PDE4D: variants seen among roughly 807,000 people sequenced by gnomAD.
PDE4D encodes phosphodiesterase 4D, also known as 3',5'-cyclic-AMP phosphodiesterase 4D.
Under a neutral mutation model 87.4 loss-of-function variants are expected in PDE4D, and 24 were observed. The observed-to-expected ratio is 0.27, with a 90% CI of 0.20 to 0.39. PDE4D has a LOEUF of 0.39. PDE4D is among the 10% of genes least tolerant of loss of function. PDE4D has a pLI of 1.00. For synonymous variants in PDE4D, 384 were observed against 383.2 expected, an observed-to-expected ratio of 1.00 and a Z score of -0.02; for missense variants, 714 against 1,041.0, an observed-to-expected ratio of 0.69 and a Z score of 4.32.
chr5:60,048,181 T>C (rs1156435921), intron 2 of PDE4D, among the ~76,000 whole-genome samples: 1 of 152,004 alleles, frequency 6.6e-6, no homozygotes, highest in African/African-American at 2.4e-5. Context: ...GAGACTAGGA[T>C]TGCAACCCCT....
intron 1 of PDE4D, among the ~76,000 whole-genome samples, chr5:60,320,974 G>T (rs1299203500): frequency 1.3e-5 from 2 of 152,094 alleles, no homozygotes; most frequent in African/African-American, 4.8e-5. Flanking sequence ...CGGTCATATT[G>T]CCCAAAGCAA....
intron 1 of PDE4D, among the ~76,000 whole-genome samples, chr5:59,406,414 A>T (rs1791679755): frequency 1.4e-5 from 1 of 71,394 alleles, no homozygotes; most frequent in Non-Finnish European, 2.7e-5. Flanking sequence ...CCCCCCCCAT[A>T]GAGTCTTGCT....
chr5:59,740,852 G>A lies in PDE4D; in HGVS notation c.455+152316C>T, dbSNP rs80247457. On this transcript the variant is annotated intron_variant, in intron 1 of 14. Transcript: ENST00000340635. ...CACTCAGCTAACTAGTAGCATAGGAGGAACAACAATAAAGGTCTAGATTTA... is the reference window on the plus strand; with the variant it reads ...CACTCAGCTAACTAGTAGCATAGGAAGAACAACAATAAAGGTCTAGATTTA... 4.0e-3 allele frequency among the ~76,000 whole-genome samples: 614 copies of A among 152,184 alleles called. 6 individuals are homozygous for A. The highest frequency in any genetic ancestry group is 0.014 in the African/African-American group (582 of 41,532).
chr5:59,118,380 T>C (rs966829346), intron 5 of PDE4D, among the ~76,000 whole-genome samples: 2 of 152,214 alleles, frequency 1.3e-5, no homozygotes, highest in African/African-American at 4.8e-5. Context: ...ATAAGCTGCT[T>C]AAGTGTTATT....
chr5:59,640,227 C>T (rs955337915), intron 1 of PDE4D, among the ~76,000 whole-genome samples: 1 of 152,082 alleles, frequency 6.6e-6, no homozygotes, highest in Admixed American at 6.6e-5. Context: ...ATTTACAGAT[C>T]TAAGGAAACT....
chr5:59,499,126 C>A (rs1189240244), intron 1 of PDE4D, among the ~76,000 whole-genome samples: 1 of 151,768 alleles, frequency 6.6e-6, no homozygotes, highest in African/African-American at 2.4e-5. Context: ...ATTCTTAAAA[C>A]CACACAAATA....
intron 2 of PDE4D, among the ~76,000 whole-genome samples, chr5:59,996,931 G>A (rs1763573835): frequency 1.3e-5 from 2 of 152,100 alleles, no homozygotes; most frequent in African/African-American, 2.4e-5. Flanking sequence ...CTGATTAGAA[G>A]AGACAGAAAT....
intron 3 of PDE4D, among the ~76,000 whole-genome samples, chr5:59,932,365 C>G (rs4699945): frequency 0.6 from 90,462 of 151,930 alleles, 27,428 homozygotes; most frequent in East Asian, 0.74. Flanking sequence ...ATAGAGAGAG[C>G]TGACATTCAC....
chr5:60,512,286 T>C (rs1485676719), intron 1 of PDE4D, among the ~76,000 whole-genome samples: 3 of 152,226 alleles, frequency 2.0e-5, no homozygotes, highest in African/African-American at 7.2e-5. Context: ...CTTAGGTTTA[T>C]GTACATTTTA....
chr5:60,220,340 CT>C (rs1428317570), intron 1 of PDE4D, among the ~76,000 whole-genome samples: 1 of 152,150 alleles, frequency 6.6e-6, no homozygotes, highest in Admixed American at 6.5e-5. Flanking sequence ...TTGTGTCTTG[CT>C]ACATATGGTC....
chr5:59,598,271 A>T (rs2153705531), intron 1 of PDE4D, among the ~76,000 whole-genome samples: 1 of 152,298 alleles, frequency 6.6e-6, no homozygotes, highest in Admixed American at 6.5e-5. Flanking sequence ...ATCAAATAGT[A>T]AATTCATTTT....
intron 1 of PDE4D, among the ~76,000 whole-genome samples, chr5:59,497,056 C>G (rs931827766): frequency 4.6e-5 from 7 of 152,158 alleles, no homozygotes; most frequent in African/African-American, 1.2e-4. Flanking sequence ...ACAAACTTAT[C>G]TGCAACCAAG....
At chr5:59,247,753 C>T (rs927970086) in intron 1 of PDE4D, among the ~76,000 whole-genome samples, 1 of 152,006 alleles carries the variant, frequency 6.6e-6, no homozygotes, top group Non-Finnish European at 1.5e-5. Context: ...CCTCCTTGAT[C>T]TTTACAGATA....
chr5:59,469,588 G>T (rs1404601740), intron 1 of PDE4D, among the ~76,000 whole-genome samples: 1 of 152,118 alleles, frequency 6.6e-6, no homozygotes, highest in Non-Finnish European at 1.5e-5. Context: ...CTCTGGAATA[G>T]GTGGGAGAAG....
rs75242803 is a variant in PDE4D, at chr5:59,649,119, C to T, written c.455+244049G>A. Among the ~76,000 whole-genome samples, 685 of 152,282 alleles carry T rather than the reference C, an allele frequency of 4.5e-3. 8 individuals carry two copies. Among genetic ancestry groups the T allele is most frequent in the African/African-American group, 0.016 (655 of 41,554 alleles). On this transcript the variant is annotated intron_variant, in intron 1 of 14. Transcript: ENST00000340635. ...CACAACCTGAAAACAGGGCAGCCGC[C>T]TAAGAGAAGGCCCTTAAATAGTTAT...
intron 1 of PDE4D, among the ~76,000 whole-genome samples, chr5:59,883,500 G>C (rs944444692): frequency 6.6e-6 from 1 of 152,086 alleles, no homozygotes. Context: ...TAGACAACAG[G>C]CCATCAATGT....
At chr5:59,294,649 T>C (rs1289655957) in intron 1 of PDE4D, among the ~76,000 whole-genome samples, 1 of 152,164 alleles carries the variant, frequency 6.6e-6, no homozygotes, top group Non-Finnish European at 1.5e-5. Flanking sequence ...TTACATTAAA[T>C]AGTGCAGGTA....
At chr5:60,017,395 C>T (rs1204353974) in intron 2 of PDE4D, among the ~76,000 whole-genome samples, 1 of 152,092 alleles carries the variant, frequency 6.6e-6, no homozygotes, top group East Asian at 1.9e-4. Context: ...CAACTCATCA[C>T]CTAGGACTTA....
chr5:59,200,022 TATAC>T (rs1439819329), intron 2 of PDE4D, among the ~76,000 whole-genome samples: 2 of 142,630 alleles, frequency 1.4e-5, no homozygotes, highest in Non-Finnish European at 3.1e-5. Context: ...TACATGCACA[TATAC>T]ATACATGCAC....
Sources: allele counts gnomAD v4.1 joint callset (sites outside exome capture counted in the v4.1 genomes callset), GRCh38; gene constraint gnomAD v4.1.1; transcripts MANE v1.5; gene names NCBI Gene and HGNC (gene_info 2026-07-23, HGNC 2026-07-21).